Variants in RFX7 observed in about 807,000 individuals in gnomAD.
The protein encoded by RFX7 is DNA-binding protein RFX7.
In RFX7, 26 loss-of-function variants were observed where a neutral mutation model predicts 111.8. The ratio of observed to expected loss-of-function variants is 0.23; its 90% CI spans 0.17 to 0.32. RFX7 has a LOEUF of 0.32. RFX7 is among the 10% of genes least tolerant of loss of function. The pLI is 1.00. For synonymous variants in RFX7, 624 were observed against 624.4 expected (o/e 1.00, Z 0.01); for missense variants, 1,573 against 1,772.9 (o/e 0.89, Z 2.02).
At chr15:56,204,863 G>C (rs1475914183) in intron 2 of RFX7, among the ~76,000 whole-genome samples, 1 of 152,128 alleles carries the variant, frequency 6.6e-6, no homozygotes, top group East Asian at 1.9e-4. Context: ...AACTAGGCGT[G>C]CTCAATAATC....
At chr15:56,195,805 A>T (rs942463408) in intron 2 of RFX7, among the ~76,000 whole-genome samples, 1 of 152,220 alleles carries the variant, frequency 6.6e-6, no homozygotes, top group Non-Finnish European at 1.5e-5. Flanking sequence ...CCACTGCTCT[A>T]GAACAAAATG....
At chr15:56,174,307 G>T (rs1393802909) in intron 3 of RFX7, among the ~76,000 whole-genome samples, 3 of 151,950 alleles carry the variant, frequency 2.0e-5, no homozygotes, top group Non-Finnish European at 4.4e-5. Context: ...TGAATTTCTA[G>T]AACTGAAAAA....
chr15:56,198,984 G>C lies in RFX7; in HGVS notation c.162-19681C>G, dbSNP rs1309852322. Among the ~76,000 whole-genome samples the C allele has an allele frequency of 4.6e-5, 7 of 150,636 alleles. No individual in the cohort carries two copies. The East Asian group carries it at 1.4e-3, about 30-fold the overall frequency. ...AAGACCAGCCTGTTCAACATAGCAA[G>C]ACCCCATCTCTGACAAAGAAAAAAA... On this transcript the variant is annotated intron_variant, in intron 2 of 9. Coordinates refer to ENST00000559447, the MANE Select transcript of RFX7 (RefSeq NM_022841.7).
At position 56,243,639 on chromosome 15, in the gene RFX7, G is replaced by A. The variant is rs1344072675; in HGVS notation, c.-197C>T. The A allele has an allele frequency of 2.5e-5, 4 of 159,926 alleles. No homozygotes were observed. Among genetic ancestry groups the A allele is most frequent in the South Asian group, 2.0e-4 (1 of 5,080 alleles). The allele number at this position is 159,926 out of a possible 1,614,324, so 9.9% of individuals were successfully genotyped here. A position where few individuals can be genotyped will look rare whatever the true frequency, so the allele number is the denominator to read the frequency against. ...TGAGATGGGGGCGTTTGAAGACGAA[G>A]TGGGGGGGGCAGGCTCCCCCCAAAA... On this transcript the variant is annotated 5_prime_UTR_variant, in exon 1 of 10. Transcript: ENST00000559447.
At chr15:56,107,547 T>G (rs1224810124) in intron 5 of RFX7, among the ~76,000 whole-genome samples, 3 of 152,102 alleles carry the variant, frequency 2.0e-5, no homozygotes, top group African/African-American at 7.2e-5. Context: ...AAAAGACTTG[T>G]GGTAAAATAT....
In RFX7 at chr15:56,095,701, A is replaced by G; in HGVS notation, c.2027T>C (p.Ile676Thr). 1 of 1,613,902 alleles carries G rather than the reference A, an allele frequency of 6.2e-7. No individual in the cohort carries two copies. Residue 676 changes from isoleucine (I) to threonine (T), a missense_variant, in exon 10 of 10, where the codon ATT (isoleucine) becomes ACT (threonine). Ile to Thr is a moderately conservative substitution (Grantham distance 89). Around this residue, in one of 7 missense-constraint regions of RFX7, gnomAD observed 625 missense variants for 632.2 expected, o/e 0.99. Transcript: ENST00000559447. ...GGTAGCTGCTGAAAGCTGTTCCACA[A>G]TTGGTTTCTTTACAGGAGGCACCTG... ...ETQVPPVKKP[I>T]VEQLSAATIE...
At chr15:56,229,215 T>C (rs2043520333) in intron 2 of RFX7, among the ~76,000 whole-genome samples, 1 of 152,228 alleles carries the variant, frequency 6.6e-6, no homozygotes, top group Non-Finnish European at 1.5e-5. Flanking sequence ...AATGGGGGAC[T>C]ACCATACTAT....
intron 5 of RFX7, among the ~76,000 whole-genome samples, chr15:56,103,941 A>G (rs1265737643): frequency 6.6e-6 from 1 of 152,182 alleles, no homozygotes; most frequent in Non-Finnish European, 1.5e-5. Flanking sequence ...TTCGAATTAC[A>G]ATCCCAACCA....
intron 5 of RFX7, among the ~76,000 whole-genome samples, chr15:56,128,612 A>G (rs1303518277): frequency 1.3e-5 from 2 of 152,198 alleles, no homozygotes; most frequent in African/African-American, 2.4e-5. Flanking sequence ...CTTAATGGCA[A>G]AAGACTGAAA....
chr15:56,212,812 C>T (rs1175330271), intron 2 of RFX7, among the ~76,000 whole-genome samples: 1 of 151,784 alleles, frequency 6.6e-6, no homozygotes, highest in Non-Finnish European at 1.5e-5. Context: ...GCAAAAAAAG[C>T]AATCAAATTA....
chr15:56,152,347 T>C (rs1257210005), intron 3 of RFX7, among the ~76,000 whole-genome samples: 2 of 151,972 alleles, frequency 1.3e-5, no homozygotes, highest in Non-Finnish European at 2.9e-5. Flanking sequence ...AATCATAACA[T>C]ATAGTCTCCC....
At chr15:56,116,302 G>GGTTTGTAAAATA (rs1671159124) in intron 5 of RFX7, among the ~76,000 whole-genome samples, 1 of 152,278 alleles carries the variant, frequency 6.6e-6, no homozygotes, top group African/African-American at 2.4e-5. Context: ...TTTGTAAAAT[G>GGTTTGTAAAATA]GTTTGTAAGA....
intron 2 of RFX7, among the ~76,000 whole-genome samples, chr15:56,224,900 T>C (rs1354709201): frequency 1.3e-5 from 2 of 152,064 alleles, no homozygotes; most frequent in Admixed American, 6.6e-5. Flanking sequence ...GGCTAATTTA[T>C]TCTCTCTCTC....
At chr15:56,194,056 C>T (rs2043124193) in intron 2 of RFX7, among the ~76,000 whole-genome samples, 1 of 152,074 alleles carries the variant, frequency 6.6e-6, no homozygotes, top group Non-Finnish European at 1.5e-5. Context: ...AATAGTATCA[C>T]AGAAAGAACA....
chr15:56,241,279 T>TA (rs1347722081), intron 2 of RFX7, among the ~76,000 whole-genome samples: 7 of 151,602 alleles, frequency 4.6e-5, no homozygotes, highest in East Asian at 1.9e-4. Context: ...TGTGCCAATA[T>TA]AAAAAAAAAT....
intron 5 of RFX7, among the ~76,000 whole-genome samples, chr15:56,141,127 A>AT (rs1277975337): frequency 6.6e-6 from 1 of 152,178 alleles, no homozygotes; most frequent in African/African-American, 2.4e-5. Context: ...AACTTTTAGA[A>AT]TTTTAGAGCT....
At chr15:56,118,224 T>C (rs1273389519) in intron 5 of RFX7, among the ~76,000 whole-genome samples, 1 of 152,166 alleles carries the variant, frequency 6.6e-6, no homozygotes. Flanking sequence ...TTTTAAAATG[T>C]ACAATTTAAT....
intron 3 of RFX7, among the ~76,000 whole-genome samples, chr15:56,172,078 G>T (rs2042851542): frequency 2.0e-5 from 3 of 152,100 alleles, no homozygotes; most frequent in Admixed American, 1.3e-4. Context: ...TACCAAACTG[G>T]GGGGATGAGG....
At chr15:56,225,791 T>C (rs1314565774) in intron 2 of RFX7, among the ~76,000 whole-genome samples, 5 of 152,148 alleles carry the variant, frequency 3.3e-5, no homozygotes, top group South Asian at 4.1e-4. Flanking sequence ...TATAGGACAT[T>C]ATTAAATGAT....
Sources: gnomAD v4.1 joint callset for allele counts (sites outside exome capture counted in the v4.1 genomes callset) on GRCh38, gnomAD v4.1.1 for gene constraint, gnomAD v4.1.1 regional missense constraint, MANE v1.5 for transcripts, NCBI Gene and HGNC (gene_info 2026-07-23, HGNC 2026-07-21) for gene names.